Variants in HDAC9 observed in about 807,000 individuals in gnomAD.
HDAC9 encodes histone deacetylase 9, also known as MEF-2 interacting transcription repressor (MITR) protein.
Under a neutral mutation model 139.4 loss-of-function variants are expected in HDAC9, and 41 were observed. The observed-to-expected ratio is 0.29, with a 90% CI of 0.23 to 0.38. HDAC9 has a LOEUF of 0.38. HDAC9 is among the 10% of genes least tolerant of loss of function. The pLI is 1.00. For synonymous variants in HDAC9, 517 were observed against 476.2 expected (o/e 1.09, Z -1.12); for missense variants, 1,147 against 1,297.0 (o/e 0.88, Z 1.78).
intron 17 of HDAC9, among the ~76,000 whole-genome samples, chr7:18,811,252 C>T (rs1794153154): frequency 6.6e-6 from 1 of 151,308 alleles, no homozygotes; most frequent in Non-Finnish European, 1.5e-5. Flanking sequence ...TTACTGACTT[C>T]ATCATTATTA....
chr7:18,186,199 G>A (rs1449695544), intron 2 of HDAC9, among the ~76,000 whole-genome samples: 3 of 152,164 alleles, frequency 2.0e-5, no homozygotes, highest in Non-Finnish European at 4.4e-5. Flanking sequence ...AGTCCAACAC[G>A]GTAGCCACTG....
intron 1 of HDAC9, among the ~76,000 whole-genome samples, chr7:18,349,618 T>C (rs627060): frequency 0.18 from 26,828 of 151,824 alleles, 2,524 homozygotes; most frequent in East Asian, 0.26. Context: ...TTTATAATTT[T>C]CACAGCATTA....
At chr7:18,220,935 T>C (rs1355109008) in intron 2 of HDAC9, among the ~76,000 whole-genome samples, 3 of 152,196 alleles carry the variant, frequency 2.0e-5, no homozygotes, top group African/African-American at 7.2e-5. Flanking sequence ...TATGAATATG[T>C]TGTTTTAAAA....
intron 2 of HDAC9, among the ~76,000 whole-genome samples, chr7:18,210,008 G>A (rs968797869): frequency 3.6e-5 from 5 of 137,074 alleles, no homozygotes; most frequent in Non-Finnish European, 6.6e-5. Flanking sequence ...CCAAGAGAAG[G>A]TACTTTTTTT....
intron 12 of HDAC9, among the ~76,000 whole-genome samples, chr7:18,673,822 T>C (rs1347399318): frequency 6.6e-6 from 1 of 152,032 alleles, no homozygotes; most frequent in Non-Finnish European, 1.5e-5. Context: ...CATAAAATGT[T>C]AGTGTTAGCA....
chr7:18,249,519 A>C (rs988266968), intron 2 of HDAC9, among the ~76,000 whole-genome samples: 4 of 70,468 alleles, frequency 5.7e-5, no homozygotes, highest in African/African-American at 9.5e-5. Flanking sequence ...AAAAAAAAAA[A>C]AAAACAAAAA....
chr7:18,828,598 A>G (rs1795627957), intron 17 of HDAC9, among the ~76,000 whole-genome samples: 1 of 152,196 alleles, frequency 6.6e-6, no homozygotes, highest in Non-Finnish European at 1.5e-5. Flanking sequence ...AAATTTATAG[A>G]CTGGAAGAAA....
chr7:18,652,443 G>A (rs536939584), intron 11 of HDAC9, among the ~76,000 whole-genome samples: 30 of 152,124 alleles, frequency 2.0e-4, no homozygotes, highest in African/African-American at 6.0e-4. Context: ...CGTAACAGTT[G>A]TTTAGACATA....
chr7:18,267,500 G>A (rs1796081583), intron 2 of HDAC9, among the ~76,000 whole-genome samples: 1 of 152,012 alleles, frequency 6.6e-6, no homozygotes. Flanking sequence ...ACTTCTATGA[G>A]AGTAATTTTT....
At chr7:18,517,085 A>T (rs1308674680) in intron 2 of HDAC9, among the ~76,000 whole-genome samples, 1 of 152,162 alleles carries the variant, frequency 6.6e-6, no homozygotes, top group East Asian at 1.9e-4. Context: ...AATAAATATG[A>T]ATATTTAGTC....
chr7:18,354,733 G>A (rs774669468), intron 1 of HDAC9, among the ~76,000 whole-genome samples: 2 of 152,048 alleles, frequency 1.3e-5, no homozygotes, highest in Non-Finnish European at 2.9e-5. Flanking sequence ...CCTTTGCCTT[G>A]ATCCCAAAAC....
At chr7:18,495,469 G>T (rs1436081362), upstream of HDAC9, among the ~76,000 whole-genome samples, 1 of 152,072 alleles carries the variant, frequency 6.6e-6, no homozygotes, top group Non-Finnish European at 1.5e-5. Flanking sequence ...GAAACACAGT[G>T]TGTAAAGCAA....
At chr7:18,544,452 G>A (rs1814078489) in intron 2 of HDAC9, among the ~76,000 whole-genome samples, 1 of 152,196 alleles carries the variant, frequency 6.6e-6, no homozygotes, top group South Asian at 2.1e-4. Flanking sequence ...ATGTGGAGAT[G>A]TTGAAGGGAC....
intron 12 of HDAC9, among the ~76,000 whole-genome samples, chr7:18,688,431 AT>A (rs1200498260): frequency 1.3e-5 from 2 of 151,888 alleles, no homozygotes; most frequent in Admixed American, 6.6e-5. Flanking sequence ...CTTTACTCCA[AT>A]TCCAGTGACA....
Position 18,996,103 on chromosome 7 carries a change from A to T in HDAC9, c.*41A>T, listed in dbSNP as rs1170829074. On this transcript the variant is annotated 3_prime_UTR_variant, in exon 26 of 26. Coordinates refer to ENST00000686413, the MANE Select transcript of HDAC9 (RefSeq NM_178425.4). ...TCTGATATTTCCTGTGTGTGACATC[A>T]TTGTGTATCCCCCCACCCCAGTACC... The T allele has an allele frequency of 1.3e-6, 2 of 1,486,088 alleles. No homozygotes were observed. The highest frequency in any genetic ancestry group is 1.8e-5 in the Admixed American group (1 of 55,682). 92.1% of individuals were successfully genotyped at this position (1,486,088 alleles called of 1,614,324 possible).
chr7:18,576,345 G>T (rs1825925892), intron 2 of HDAC9, among the ~76,000 whole-genome samples: 2 of 152,166 alleles, frequency 1.3e-5, no homozygotes. Context: ...GTGGCAGAGA[G>T]ACCTTGATGG....
At chr7:18,752,818 C>T (rs1336750438) in intron 14 of HDAC9, among the ~76,000 whole-genome samples, 1 of 152,122 alleles carries the variant, frequency 6.6e-6, no homozygotes, top group Non-Finnish European at 1.5e-5. Flanking sequence ...TATTCTCCCA[C>T]CACGTCTGTG....
At chr7:18,462,278 A>G (rs1793918160) in intron 1 of HDAC9, among the ~76,000 whole-genome samples, 2 of 152,018 alleles carry the variant, frequency 1.3e-5, no homozygotes, top group South Asian at 2.1e-4. Flanking sequence ...TCCTTTGTCT[A>G]GGCTTCTGGT....
chr7:18,798,603 A>G (rs530372618), intron 17 of HDAC9, among the ~76,000 whole-genome samples: 38 of 152,272 alleles, frequency 2.5e-4, no homozygotes, highest in Admixed American at 2.0e-3. Flanking sequence ...GAGAATTGTC[A>G]TTATTTGACC....
Sources: gnomAD v4.1 joint callset for allele counts (sites outside exome capture counted in the v4.1 genomes callset) on GRCh38, gnomAD v4.1.1 for gene constraint, MANE v1.5 for transcripts, NCBI Gene and HGNC (gene_info 2026-07-23, HGNC 2026-07-21) for gene names.